The following FHOD3 variants were observed in gnomAD, a reference collection of about 807,000 sequenced individuals.
The protein encoded by FHOD3 is FH1/FH2 domain-containing protein 3.
In FHOD3, 90 loss-of-function variants were observed where a neutral mutation model predicts 173.0. The observed-to-expected ratio is 0.52, with a 90% CI of 0.44 to 0.62. FHOD3 has a LOEUF of 0.62. Among genes scored for constraint, FHOD3 ranks in the 20% least tolerant of loss-of-function variants. The pLI is 0.00. For synonymous variants in FHOD3, 828 were observed against 823.0 expected (o/e 1.01, Z -0.10); for missense variants, 1,945 against 2,034.7 (o/e 0.96, Z 0.85).
rs557997491 is a variant in FHOD3, at chr18:36,755,210, G to T, written c.4324G>T (p.Ala1442Ser). 14 of 1,612,194 alleles carry T rather than the reference G, an allele frequency of 8.7e-6. No homozygotes were observed. Among genetic ancestry groups the T allele is most frequent in the South Asian group, 7.7e-5 (7 of 90,896 alleles). The change falls in exon 25 of 29, where the codon GCA (alanine) becomes TCA (serine). Residue 1442 changes from alanine (A) to serine (S), a missense_variant. Around this residue, in one of 5 missense-constraint regions of FHOD3, gnomAD observed 354 missense variants for 359.9 expected, o/e 0.98. Coordinates refer to ENST00000590592, the MANE Select transcript of FHOD3 (RefSeq NM_001281740.3). ...ATTCTGCAGGATTATTAGTGAATTT[G>T]CACTAGAGTATCGCACAACCAGGGA... is the stretch of plus-strand genomic sequence containing the variant. ...NKFCRIISEF[A>S]LEYRTTRERV...
rs1268366385 is a variant in FHOD3, at chr18:36,390,760, C to CATG, written c.337+18023_337+18025dup. Among the ~76,000 whole-genome samples, 9 of 152,278 alleles carry CATG rather than the reference C, an allele frequency of 5.9e-5. No homozygotes were observed. In the East Asian group the frequency reaches 1.5e-3, roughly 26 times the overall value. On this transcript the variant is annotated intron_variant, in intron 3 of 28. Coordinates refer to ENST00000590592, the MANE Select transcript of FHOD3 (RefSeq NM_001281740.3). ...TGATGTAACAGACCCACACTTAACA[C>CATG]ATGATGATGGTCCTGTTACGCCTGG...
chr18:36,499,460 G>T (rs1034795898), intron 3 of FHOD3, among the ~76,000 whole-genome samples: 10 of 152,164 alleles, frequency 6.6e-5, no homozygotes, highest in African/African-American at 2.4e-4. Context: ...GTTCTTCCTG[G>T]ATAGGATAAA....
At position 36,538,763 on chromosome 18, in the gene FHOD3, G is replaced by A. The variant is rs536852505; in HGVS notation, c.511+26220G>A. Reference sequence around the variant, plus strand: ...TAGGAGTTGACAGGGGTTAGTGATGGCAGTGGTGGGAGGTAGGAATGTGTG... The same window carrying A: ...TAGGAGTTGACAGGGGTTAGTGATGACAGTGGTGGGAGGTAGGAATGTGTG... On this transcript the variant is annotated intron_variant, in intron 5 of 28. Transcript: ENST00000590592. Among the ~76,000 whole-genome samples, 3 of 152,334 alleles carry A rather than the reference G, an allele frequency of 2.0e-5. No homozygotes were observed. The East Asian group carries it at 5.8e-4, about 29-fold the overall frequency.
chr18:36,726,581 A>G lies in FHOD3; in HGVS notation c.3418-4065A>G, dbSNP rs73949881. Among the ~76,000 whole-genome samples, 516 of 152,222 alleles carry G rather than the reference A, an allele frequency of 3.4e-3. 3 individuals are homozygous for G. Among genetic ancestry groups the G allele is most frequent in the African/African-American group, 0.012 (491 of 41,530 alleles). On this transcript the variant is annotated intron_variant, in intron 19 of 28. Transcript: ENST00000590592. ...CTCTGCTTTATATCCTCTTCCCATC[A>G]TTGACCAATTTCCTTATTTTCAAAT...
chr18:36,300,127 A>G (rs1347991060), intron 1 of FHOD3, among the ~76,000 whole-genome samples: 1 of 152,146 alleles, frequency 6.6e-6, no homozygotes, highest in Non-Finnish European at 1.5e-5. Flanking sequence ...TCCATAAGGT[A>G]GGGGCTTTGA....
intron 18 of FHOD3, among the ~76,000 whole-genome samples, chr18:36,715,738 A>G (rs1025955611): frequency 6.6e-6 from 1 of 152,236 alleles, no homozygotes; most frequent in African/African-American, 2.4e-5. Context: ...AAGAGCTGTG[A>G]TGAAAAATAA....
intron 1 of FHOD3, among the ~76,000 whole-genome samples, chr18:36,340,339 C>T (rs1406050829): frequency 6.6e-6 from 1 of 152,146 alleles, no homozygotes; most frequent in Non-Finnish European, 1.5e-5. Flanking sequence ...AATAAATAAG[C>T]AGGATACGCT....
chr18:36,361,547 G>A (rs532308941), intron 2 of FHOD3, among the ~76,000 whole-genome samples: 43 of 152,002 alleles, frequency 2.8e-4, no homozygotes, highest in African/African-American at 7.7e-4. Context: ...TTAGCTGGGC[G>A]TGGTGGCACG....
rs937507055 is a variant in FHOD3, at chr18:36,348,572, A to C, written c.166-6967A>C. On this transcript the variant is annotated intron_variant, in intron 1 of 28. Transcript: ENST00000590592. ...GTGAATTTCCATGGATCCATGGAGC[A>C]CACTCTGGGGGTTTGGGACTTCGTG... Among the ~76,000 whole-genome samples, 53 of 152,260 alleles carry C rather than the reference A, an allele frequency of 3.5e-4. 1 individual carries two copies. The highest frequency in any genetic ancestry group is 3.0e-3 in the Admixed American group (46 of 15,296).
intron 8 of FHOD3, among the ~76,000 whole-genome samples, chr18:36,605,670 A>T (rs1568485174): frequency 6.6e-6 from 1 of 152,230 alleles, no homozygotes; most frequent in Non-Finnish European, 1.5e-5. Context: ...AACCTCCGGC[A>T]TAAATGCGTT....
intron 3 of FHOD3, among the ~76,000 whole-genome samples, chr18:36,411,944 C>T (rs2049373990): frequency 6.6e-6 from 1 of 152,234 alleles, no homozygotes; most frequent in Non-Finnish European, 1.5e-5. Flanking sequence ...TCTTCTCTCA[C>T]CTACAACCAG....
chr18:36,426,470 A>G lies in FHOD3; in HGVS notation c.337+53726A>G, dbSNP rs377244595. On this transcript the variant is annotated intron_variant, in intron 3 of 28. Coordinates refer to ENST00000590592, the MANE Select transcript of FHOD3 (RefSeq NM_001281740.3). Reference sequence around the variant, plus strand: ...AGAAGCCATGGAGTTGTCAGTGGAAAATCACCATGAGATTGGTGCACAAGT... The same window carrying G: ...AGAAGCCATGGAGTTGTCAGTGGAAGATCACCATGAGATTGGTGCACAAGT... Among the ~76,000 whole-genome samples, 19 of 152,248 alleles carry G rather than the reference A, an allele frequency of 1.2e-4. No individual in the cohort carries two copies. The South Asian group carries it at 1.7e-3, about 13-fold the overall frequency.
chr18:36,432,423 A>G (rs191974161), intron 3 of FHOD3, among the ~76,000 whole-genome samples: 30 of 152,326 alleles, frequency 2.0e-4, no homozygotes, highest in Admixed American at 5.2e-4. Flanking sequence ...CAAAATCACC[A>G]GTGTAAGACT....
chr18:36,684,298 G>A (rs899034196), intron 15 of FHOD3, among the ~76,000 whole-genome samples: 2 of 152,076 alleles, frequency 1.3e-5, no homozygotes, highest in African/African-American at 4.8e-5. Flanking sequence ...TATGTAAAAT[G>A]TACAGAATAC....
chr18:36,414,474 C>G (rs2049521430), intron 3 of FHOD3, among the ~76,000 whole-genome samples: 1 of 152,188 alleles, frequency 6.6e-6, no homozygotes, highest in African/African-American at 2.4e-5. Flanking sequence ...GTTCCAGAGC[C>G]AAAGGTGGCA....
At chr18:36,661,474 T>G (rs2036797021) in intron 14 of FHOD3, among the ~76,000 whole-genome samples, 1 of 152,192 alleles carries the variant, frequency 6.6e-6, no homozygotes, top group Admixed American at 6.5e-5. Context: ...GATGCGCGTC[T>G]TCTGTGATCA....
intron 5 of FHOD3, among the ~76,000 whole-genome samples, chr18:36,536,607 C>T (rs2057004449): frequency 6.6e-6 from 1 of 152,202 alleles, no homozygotes; most frequent in Non-Finnish European, 1.5e-5. Flanking sequence ...AGCCACCTGC[C>T]AGAGAAGCTA....
intron 3 of FHOD3, among the ~76,000 whole-genome samples, chr18:36,413,329 C>T (rs1309960406): frequency 6.6e-6 from 1 of 152,208 alleles, no homozygotes; most frequent in Non-Finnish European, 1.5e-5. Context: ...TATACATGGA[C>T]ACCCCCATGA....
intron 5 of FHOD3, among the ~76,000 whole-genome samples, chr18:36,524,681 TTCTA>T (rs1450004641): frequency 5.3e-5 from 8 of 152,202 alleles, no homozygotes; most frequent in Non-Finnish European, 1.2e-4. Flanking sequence ...ACGCCTGTCT[TTCTA>T]TCTGTCTTTT....
Sources: gnomAD v4.1 joint callset for allele counts (sites outside exome capture counted in the v4.1 genomes callset) on GRCh38, gnomAD v4.1.1 for gene constraint, gnomAD v4.1.1 regional missense constraint, MANE v1.5 for transcripts, NCBI Gene and HGNC (gene_info 2026-07-23, HGNC 2026-07-21) for gene names.